UPK2: variants seen among roughly 807,000 people sequenced by gnomAD.
UPK2 encodes uroplakin-2.
A neutral mutation model predicts 14.8 loss-of-function variants in UPK2; 19 were observed. That is an observed-to-expected ratio of 1.29 (90% confidence interval 0.90 to 1.89). The LOEUF is 1.89. Ranked by LOEUF, UPK2 falls within the 40% of genes most tolerant of loss-of-function variation. The pLI is 0.00. For missense variants in UPK2, 232 were observed against 236.0 expected, an observed-to-expected ratio of 0.98 and a Z score of 0.11; for synonymous variants, 102 against 101.6, an observed-to-expected ratio of 1.00 and a Z score of -0.02.
In UPK2 at chr11:118,956,378, T is replaced by C. The variant is rs1324270974; in HGVS notation, c.28T>C (p.Leu10=). The C allele has an allele frequency of 3.1e-6, 5 of 1,611,414 alleles. No individual in the cohort carries two copies. The African/African-American group carries it at 6.7e-5, about 22-fold the overall frequency. MAPLLPIRT[L]PLILILLALL... is the part of the protein sequence containing the mutation. The stretch of plus-strand genomic sequence containing the variant: ...GGCACCCCTGCTGCCCATCCGGACC[T>C]TGCCCTTGATCCTGATTCTGCTGGC... The change falls in exon 1 of 5, where the codon TTG becomes CTG. Residue 10 remains leucine (L), a synonymous_variant. Coordinates refer to ENST00000264031, the MANE Select transcript of UPK2 (RefSeq NM_006760.4). This position sits in a 1 kb window ranked among gnomAD's most constrained non-coding sequence, Gnocchi z 4.1.
chr11:118,957,395 G>C (rs1941572650), intron 3 of UPK2, 49 bp downstream of exon 3: 2 of 1,604,236 alleles, frequency 1.2e-6, no homozygotes, highest in Non-Finnish European at 1.7e-6. Flanking sequence ...GGTGCAGGAA[G>C]AGAGAGAAGC....
Position 118,956,325 on chromosome 11 carries a change from G to A in UPK2, c.-26G>A, listed in dbSNP as rs377086809. On this transcript the variant is annotated 5_prime_UTR_variant, in exon 1 of 5. Transcript: ENST00000264031. The surrounding 1 kb of genome is among the most constrained non-coding windows in gnomAD (Gnocchi z 4.1). ...TTGCCTCAGGAACCCCAGCCTGCCA[G>A]CACCTATTCCACCTCCCAGCCCAGC... The A allele has an allele frequency of 4.4e-6, 7 of 1,607,186 alleles. No individual in the cohort carries two copies. Among genetic ancestry groups the A allele is most frequent in the Non-Finnish European group, 5.9e-6 (7 of 1,177,136 alleles).
chr11:118,956,737 C>G lies in UPK2; in HGVS notation c.77-146C>G, dbSNP rs1465035616. ...GTGCAGCTTCTGCAGCCCAAGCCTGCCACCTGGTGGTCATACTGGCACAGG... is the reference window on the plus strand; with the variant it reads ...GTGCAGCTTCTGCAGCCCAAGCCTGGCACCTGGTGGTCATACTGGCACAGG... On this transcript the variant is annotated intron_variant, in intron 1 of 4. Coordinates refer to ENST00000264031, the MANE Select transcript of UPK2 (RefSeq NM_006760.4). The surrounding 1 kb of genome is among the most constrained non-coding windows in gnomAD (Gnocchi z 4.1). 2 of 1,139,094 alleles carry G rather than the reference C, an allele frequency of 1.8e-6. No homozygotes were observed. The highest frequency in any genetic ancestry group is 2.5e-6 in the Non-Finnish European group (2 of 813,050). 70.6% of individuals were successfully genotyped at this position (1,139,094 alleles called of 1,614,324 possible).
At chr11:118,957,792 C>T (rs1592019551) in intron 4 of UPK2, 124 bp downstream of exon 4, 2 of 1,112,726 alleles carry the variant, frequency 1.8e-6, no homozygotes, top group Non-Finnish European at 2.7e-6. Context: ...CCCCTGCTTA[C>T]CTCTATCCTA....
intron 3 of UPK2, 21 bp from the exon 4 acceptor site, chr11:118,957,577 C>G: frequency 6.2e-7 from 1 of 1,613,976 alleles, no homozygotes; most frequent in Non-Finnish European, 8.5e-7. Flanking sequence ...GGGTTCTCTA[C>G]TCTCTCCCAA....
At position 118,957,965 on chromosome 11, in the gene UPK2, TTGGCTGGCTGGC is replaced by T. The variant is rs888081794; in HGVS notation, c.419-112_419-101del. ...ATCAGCTGGTTGGTTGGTTGGTTGG[TTGGCTGGCTGGC>T]TGGCTGGCTGGCTGGCTGGTTGGTT... On this transcript the variant is annotated intron_variant, in intron 4 of 4. Transcript: ENST00000264031. The T allele has an allele frequency of 4.6e-4, 608 of 1,309,182 alleles. 3 individuals carry two copies. The African/African-American group carries it at 7.5e-3, about 16-fold the overall frequency. 81.1% of individuals were successfully genotyped at this position (1,309,182 alleles called of 1,614,324 possible).
Position 118,958,492 on chromosome 11 carries a change from C to A in UPK2, c.*259C>A. 1 of 454,030 alleles carries A rather than the reference C, an allele frequency of 2.2e-6. No individual in the cohort carries two copies. The highest frequency in any genetic ancestry group is 4.0e-6 in the Non-Finnish European group (1 of 251,248). The allele number at this position is 454,030 out of a possible 1,614,324, so 28.1% of individuals were successfully genotyped here. ...CTCCCATTTTACCACTTTAAACACC[C>A]CCATAACAATTCCCCCATCCTTCAG... On this transcript the variant is annotated 3_prime_UTR_variant, in exon 5 of 5. Transcript: ENST00000264031. The surrounding 1 kb of genome is among the most constrained non-coding windows in gnomAD (Gnocchi z 4.6).
Position 118,956,907 on chromosome 11 carries a change from G to A in UPK2, c.101G>A (p.Gly34Asp). 1 of 1,614,030 alleles carries A rather than the reference G, an allele frequency of 6.2e-7. No individual in the cohort carries two copies. ...GACTTCAACATCTCAAGCCTCTCTG[G>A]TCTGCTGTCCCCGGCGCTAACGGAG... ...AADFNISSLS[G>D]LLSPALTESL... Residue 34 changes from glycine to aspartate, a missense_variant, in exon 2 of 5, where the codon GGT (glycine) becomes GAT (aspartate). By Grantham distance (94) the Gly-to-Asp change is moderately conservative (BLOSUM62 -1). Coordinates refer to ENST00000264031, the MANE Select transcript of UPK2 (RefSeq NM_006760.4). The surrounding 1 kb of genome is among the most constrained non-coding windows in gnomAD (Gnocchi z 4.1).
rs1004405407 is a variant in UPK2, at chr11:118,956,676, A to T, written c.77-207A>T. On this transcript the variant is annotated intron_variant, in intron 1 of 4. Transcript: ENST00000264031. This position sits in a 1 kb window ranked among gnomAD's most constrained non-coding sequence, Gnocchi z 4.1. Reference sequence around the variant, plus strand: ...GGTTGGGCGCTGCCCGACTCCTGGCATCCAGGTTCTGGCTCTGGGGACCGC... The same window carrying T: ...GGTTGGGCGCTGCCCGACTCCTGGCTTCCAGGTTCTGGCTCTGGGGACCGC... Among the ~76,000 whole-genome samples, 1 of 152,116 alleles carries T rather than the reference A, an allele frequency of 6.6e-6. No individual in the cohort carries two copies. The highest frequency in any genetic ancestry group is 2.4e-5 in the African/African-American group (1 of 41,416).
intron 3 of UPK2, 112 bp downstream of exon 3, chr11:118,957,458 G>A: frequency 6.5e-7 from 1 of 1,550,208 alleles, no homozygotes; most frequent in Non-Finnish European, 8.8e-7. Context: ...CACAGCAAAA[G>A]GGGGTGAAAG....
rs750050251 is a variant in UPK2, at chr11:118,957,193, G to A, written c.209-15G>A. 2.2e-5 allele frequency: 35 copies of A among 1,613,812 alleles called. No individual in the cohort carries two copies. Among genetic ancestry groups the A allele is most frequent in the African/African-American group, 9.3e-5 (7 of 74,880 alleles). ...AAACTTGACCCAGTCTTCCCCTCCC[G>A]CCACTTCTGCCCAGTGGTGACGTCC... On this transcript the variant is annotated splice_polypyrimidine_tract_variant and intron_variant, in intron 2 of 4. Coordinates refer to ENST00000264031, the MANE Select transcript of UPK2 (RefSeq NM_006760.4).
In UPK2 at chr11:118,957,640, CAG is replaced by C; in HGVS notation, c.396_397del (p.Glu132AspfsTer149). ...AGAAGGGGACAGCCACTGAGTCCAG[CAG>C]AGAGATCCCAATGTCCACACTCCCT... ...VKKGTATESS[R>X]EIPMSTLPRR... On this transcript the variant is annotated frameshift_variant, in exon 4 of 5. Transcript: ENST00000264031. LOFTEE classifies it high-confidence loss of function. The C allele has an allele frequency of 6.2e-7, 1 of 1,614,154 alleles. No individual in the cohort carries two copies.
intron 3 of UPK2, 63 bp downstream of exon 3, chr11:118,957,409 TG>T: frequency 6.3e-7 from 1 of 1,595,664 alleles, no homozygotes; most frequent in Non-Finnish European, 8.5e-7. Flanking sequence ...GAGAAGCTAG[TG>T]TGGGGGAGAT....
rs992658439 is a variant in UPK2 at position 118,957,965 on chromosome 11, T to C, written c.419-132T>C. On this transcript the variant is annotated intron_variant, in intron 4 of 4. Coordinates refer to ENST00000264031, the MANE Select transcript of UPK2 (RefSeq NM_006760.4). ...ATCAGCTGGTTGGTTGGTTGGTTGG[T>C]TGGCTGGCTGGCTGGCTGGCTGGCT... 6.5e-5 allele frequency: 85 copies of C among 1,309,056 alleles called. No homozygotes were observed. The South Asian group carries it at 8.3e-4, about 13-fold the overall frequency. 81.1% of individuals were successfully genotyped at this position (1,309,056 alleles called of 1,614,324 possible). A position where few individuals can be genotyped will look rare whatever the true frequency, so the allele number is the denominator to read the frequency against.
intron 4 of UPK2, 101 bp from the exon 5 acceptor site, chr11:118,957,996 G>T: frequency 1.3e-6 from 2 of 1,502,182 alleles, no homozygotes; most frequent in South Asian, 1.3e-5. Flanking sequence ...TGGCTGGCTG[G>T]TTGGTTGGGC....
intron 3 of UPK2, 120 bp from the exon 4 acceptor site, chr11:118,957,478 T>C: frequency 6.5e-7 from 1 of 1,543,884 alleles, no homozygotes; most frequent in Non-Finnish European, 8.9e-7. Context: ...GCTGGGCCTC[T>C]TGGAGGAGTG....
At chr11:118,957,063 C>A (rs1199371392) in intron 2 of UPK2, 49 bp downstream of exon 2, 1 of 1,610,790 alleles carries the variant, frequency 6.2e-7, no homozygotes, top group African/African-American at 1.3e-5. Context: ...AAGACCCCTT[C>A]CTGCGACACC....
Position 118,958,308 on chromosome 11 carries a change from G to C in UPK2, c.*75G>C, listed in dbSNP as rs1199350615. 5.3e-6 allele frequency: 8 copies of C among 1,497,800 alleles called. No individual in the cohort carries two copies. The highest frequency in any genetic ancestry group is 2.3e-4 in the Middle Eastern group (1 of 4,354). The allele number at this position is 1,497,800 out of a possible 1,614,324, so 92.8% of individuals were successfully genotyped here. ...CAGCTCCCCAGCCCACCTGCTCCCA[G>C]GCCCCAGGCCTGTGGCTCCCTTGGT... On this transcript the variant is annotated 3_prime_UTR_variant, in exon 5 of 5. Transcript: ENST00000264031. This position sits in a 1 kb window ranked among gnomAD's most constrained non-coding sequence, Gnocchi z 4.6.
Position 118,956,799 on chromosome 11 carries a change from G to A in UPK2, c.77-84G>A. 4 of 1,567,040 alleles carry A rather than the reference G, an allele frequency of 2.6e-6. No individual in the cohort carries two copies. Among genetic ancestry groups the A allele is most frequent in the Admixed American group, 3.5e-5 (2 of 57,848 alleles). ...TGCCCAGGGTTCACAGAGTGGAAAG[G>A]GAGATGGCTCCAATGGGACCGGGCC... is the stretch of plus-strand genomic sequence containing the variant. On this transcript the variant is annotated intron_variant, in intron 1 of 4. Coordinates refer to ENST00000264031, the MANE Select transcript of UPK2 (RefSeq NM_006760.4). This position sits in a 1 kb window ranked among gnomAD's most constrained non-coding sequence, Gnocchi z 4.1.
Sources: gnomAD v4.1 joint callset for allele counts (sites outside exome capture counted in the v4.1 genomes callset) on GRCh38, gnomAD v4.1.1 for gene constraint, Gnocchi (gnomAD v3.1) non-coding constraint, MANE v1.5 for transcripts, NCBI Gene and HGNC (gene_info 2026-07-23, HGNC 2026-07-21) for gene names.